Variants in ZSCAN5A observed in about 807,000 individuals in gnomAD.
ZSCAN5A encodes zinc finger and SCAN domain-containing protein 5A.
A neutral mutation model predicts 23.7 loss-of-function variants in ZSCAN5A; 12 were observed. The observed-to-expected ratio is 0.51, with a 90% CI of 0.32 to 0.82. The LOEUF is 0.82. Among genes scored for constraint, ZSCAN5A ranks in the 40% least tolerant of loss-of-function variants. The pLI is 0.03. For missense variants in ZSCAN5A, 597 were observed against 617.9 expected, an observed-to-expected ratio of 0.97 and a Z score of 0.36; for synonymous variants, 257 against 239.9, an observed-to-expected ratio of 1.07 and a Z score of -0.66.
intron 2 of ZSCAN5A, among the ~76,000 whole-genome samples, chr19:56,248,595 T>G (rs1314882568): frequency 3.3e-5 from 5 of 152,150 alleles, no homozygotes; most frequent in African/African-American, 1.2e-4. Flanking sequence ...TTTATTCAAA[T>G]TTTTTGAAAT....
In ZSCAN5A at chr19:56,353,655, A is replaced by G. The variant is rs12104156; in HGVS notation, c.-358+9580T>C. On this transcript the variant is annotated intron_variant, in intron 2 of 6. Coordinates refer to the ZSCAN5A transcript ENST00000587340. ...AAATTAGCTGCGCGTGGTGGCAGGC[A>G]CCTGTAGTCCCAGCTACTCGGAAGG... Among the ~76,000 whole-genome samples the G allele has an allele frequency of 2.0e-3, 307 of 151,936 alleles. 2 individuals are homozygous for G. Among genetic ancestry groups the G allele is most frequent in the South Asian group, 8.3e-3 (40 of 4,800 alleles).
intron 2 of ZSCAN5A, among the ~76,000 whole-genome samples, chr19:56,274,083 A>G (rs1289965257): frequency 6.6e-6 from 1 of 152,170 alleles, no homozygotes; most frequent in Non-Finnish European, 1.5e-5. Flanking sequence ...GGGATAGAGA[A>G]GCATGCAGAA....
Position 56,221,443 on chromosome 19 carries a change from T to C in ZSCAN5A, c.*132A>G. ...AGGACACATATTTACTCAAACATCC[T>C]GGCAATTCATATCTAGGGCACTCCC... On this transcript the variant is annotated 3_prime_UTR_variant, in exon 6 of 6. Transcript: ENST00000683990. The C allele has an allele frequency of 2.7e-6, 3 of 1,113,392 alleles. No homozygotes were observed. Among genetic ancestry groups the C allele is most frequent in the Non-Finnish European group, 3.8e-6 (3 of 786,466 alleles). 69.0% of individuals were successfully genotyped at this position (1,113,392 alleles called of 1,614,324 possible).
rs114089051 is a variant in ZSCAN5A, at chr19:56,256,353, C to T, written c.-127-31180G>A. Reference sequence around the variant, plus strand: ...GATTATGGGTGCACACCACCACACCCGGCTAATCTTTTGTGGTTTTTGTAG... The same window carrying T: ...GATTATGGGTGCACACCACCACACCTGGCTAATCTTTTGTGGTTTTTGTAG... On this transcript the variant is annotated intron_variant, in intron 2 of 5. Coordinates refer to ENST00000683990, the MANE Select transcript of ZSCAN5A (RefSeq NM_001322064.3). 4.1e-3 allele frequency among the ~76,000 whole-genome samples: 623 copies of T among 152,162 alleles called. 3 individuals carry two copies. The highest frequency in any genetic ancestry group is 0.014 in the African/African-American group (588 of 41,510).
chr19:56,244,563 C>A, intron 2 of ZSCAN5A: 3 of 1,053,818 alleles, frequency 2.8e-6, no homozygotes, highest in Non-Finnish European at 4.1e-6. Context: ...CCATCAGGGA[C>A]ACATGGCAGT....
intron 2 of ZSCAN5A, among the ~76,000 whole-genome samples, chr19:56,257,032 T>C (rs1216431371): frequency 6.6e-6 from 1 of 152,148 alleles, no homozygotes; most frequent in African/African-American, 2.4e-5. Context: ...GTATTTGCCA[T>C]CAGGGGAATA....
chr19:56,273,526 C>A (rs190015255), intron 2 of ZSCAN5A, among the ~76,000 whole-genome samples: 2 of 152,054 alleles, frequency 1.3e-5, no homozygotes, highest in Non-Finnish European at 1.5e-5. Flanking sequence ...TGTGGGGATT[C>A]GGAGATGGCC....
chr19:56,242,903 C>G (rs998893336), intron 2 of ZSCAN5A, among the ~76,000 whole-genome samples: 31 of 152,048 alleles, frequency 2.0e-4, no homozygotes, highest in African/African-American at 6.3e-4. Flanking sequence ...CTCAGACTGC[C>G]AAGTAGCTAG....
intron 2 of ZSCAN5A, among the ~76,000 whole-genome samples, chr19:56,330,739 T>C (rs1210935578): frequency 6.6e-6 from 1 of 152,224 alleles, no homozygotes; most frequent in African/African-American, 2.4e-5. Flanking sequence ...AGACCTTTTT[T>C]GATGCAGTTT....
Position 56,222,122 on chromosome 19 carries a change from T to C in ZSCAN5A, c.944A>G (p.Glu315Gly), listed in dbSNP as rs757726095. The change falls in exon 6 of 6, where the codon GAA becomes GGA. Residue 315 changes from glutamate to glycine, a missense_variant. By Grantham distance (98) the Glu-to-Gly change is moderately conservative. Around this residue, in one of 5 missense-constraint regions of ZSCAN5A, gnomAD observed 406 missense variants for 353.2 expected, o/e 1.15. Transcript: ENST00000683990. Reference protein sequence around the residue: ...SSISQEEPQGEATPVGNRESP... With the variant: ...SSISQEEPQGGATPVGNRESP... ...TTCTCTGTTGCCCACAGGTGTGGCT[T>C]CTCCTTGAGGCTCTTCTTGGGAAAT... The C allele has an allele frequency of 1.2e-5, 19 of 1,614,004 alleles. No homozygotes were observed. In the African/African-American group the frequency reaches 2.0e-4, roughly 17 times the overall value.
chr19:56,348,912 G>A (rs1230289512), intron 2 of ZSCAN5A, among the ~76,000 whole-genome samples: 1 of 152,134 alleles, frequency 6.6e-6, no homozygotes, highest in Non-Finnish European at 1.5e-5. Context: ...GACTCTGTAA[G>A]AGAAATTAAA....
chr19:56,241,829 A>T (rs2035448441), intron 2 of ZSCAN5A, among the ~76,000 whole-genome samples: 1 of 152,226 alleles, frequency 6.6e-6, no homozygotes, highest in Non-Finnish European at 1.5e-5. Context: ...TTCTTTTTTA[A>T]TTTTTTAAAT....
At chr19:56,252,992 C>T (rs2036455918) in intron 2 of ZSCAN5A, among the ~76,000 whole-genome samples, 1 of 152,224 alleles carries the variant, frequency 6.6e-6, no homozygotes, top group Non-Finnish European at 1.5e-5. Context: ...TCCCTCCCAC[C>T]CCCTCTAGTG....
chr19:56,327,094 T>A (rs898765022), intron 2 of ZSCAN5A, among the ~76,000 whole-genome samples: 1 of 151,992 alleles, frequency 6.6e-6, no homozygotes, highest in African/African-American at 2.4e-5. Context: ...GAGTCTAATT[T>A]CAGGTGTCCA....
intron 1 of ZSCAN5A, among the ~76,000 whole-genome samples, chr19:56,313,859 G>A (rs1600270420): frequency 6.6e-6 from 1 of 152,192 alleles, no homozygotes. Flanking sequence ...TCAATCATCT[G>A]GTGAGAGTTT....
chr19:56,274,499 T>A (rs2038104645), intron 2 of ZSCAN5A: 1 of 151,806 alleles, frequency 6.6e-6, no homozygotes, highest in South Asian at 2.1e-4. Flanking sequence ...AGGAACACGT[T>A]TTTTAAAAAA....
In ZSCAN5A at chr19:56,222,572, T is replaced by C; in HGVS notation, c.739+19A>G. 6.2e-7 allele frequency: 1 copy of C among 1,613,360 alleles called. No individual in the cohort carries two copies. ...GAAGAGAGGGACTAACCCCTGTGGA[T>C]CCAAGTCTTCATACTCACTGGGACT... is the stretch of plus-strand genomic sequence containing the variant. On this transcript the variant is annotated intron_variant, in intron 5 of 5. Coordinates refer to ENST00000683990, the MANE Select transcript of ZSCAN5A (RefSeq NM_001322064.3).
At chr19:56,244,057 C>G (rs1385446644) in intron 2 of ZSCAN5A, 11 of 1,036,056 alleles carry the variant, frequency 1.1e-5, no homozygotes, top group Admixed American at 4.2e-5. Flanking sequence ...CTGCAAATTG[C>G]AACTCCTCAT....
intron 2 of ZSCAN5A, among the ~76,000 whole-genome samples, chr19:56,265,014 C>T (rs1055455194): frequency 5.9e-5 from 9 of 151,910 alleles, no homozygotes; most frequent in African/African-American, 1.7e-4. Flanking sequence ...CCCAGCTACT[C>T]GGGAGGCTGA....
Sources: allele counts gnomAD v4.1 joint callset (sites outside exome capture counted in the v4.1 genomes callset), GRCh38; gene constraint gnomAD v4.1.1; regional missense constraint gnomAD v4.1.1; transcripts MANE v1.5; gene names NCBI Gene and HGNC (gene_info 2026-07-23, HGNC 2026-07-21).